OR2L13: variants seen among roughly 807,000 people sequenced by gnomAD.
OR2L13 encodes olfactory receptor 2L13.
A neutral mutation model predicts 15.3 loss-of-function variants in OR2L13; 14 were observed. The observed-to-expected ratio is 0.91, with a 90% CI of 0.60 to 1.43. The LOEUF (loss-of-function observed/expected upper bound fraction) is 1.43. OR2L13 is among the 40% of genes most tolerant of loss of function. OR2L13 has a pLI of 0.00. For synonymous variants in OR2L13, 152 were observed against 142.9 expected (o/e 1.06, Z -0.45); for missense variants, 367 against 387.9 (o/e 0.95, Z 0.45).
upstream of OR2L13, among the ~76,000 whole-genome samples, chr1:248,094,567 C>T (rs1317150551): frequency 6.6e-6 from 1 of 152,182 alleles, no homozygotes; most frequent in African/African-American, 2.4e-5. Flanking sequence ...GCATAGCTGT[C>T]AGACTAGAGT....
the OR2L13 span, among the ~76,000 whole-genome samples, chr1:248,012,668 A>G: frequency 6.6e-6 from 1 of 152,176 alleles, no homozygotes; most frequent in Non-Finnish European, 1.5e-5. Flanking sequence ...AAACATCTGT[A>G]TTTGACTTTC....
the OR2L13 span, chr1:248,041,428 C>T: frequency 6.6e-6 from 1 of 152,156 alleles, no homozygotes; most frequent in African/African-American, 2.4e-5. Flanking sequence ...CTAGGCTTTA[C>T]CATTCAGGAC....
the OR2L13 span, among the ~76,000 whole-genome samples, chr1:247,982,396 G>T: frequency 1.3e-5 from 2 of 152,064 alleles, no homozygotes; most frequent in Admixed American, 1.3e-4. Context: ...ATGAATATAT[G>T]AATCACTACA....
At chr1:247,993,296 T>C in the OR2L13 span, among the ~76,000 whole-genome samples, 1 of 152,210 alleles carries the variant, frequency 6.6e-6, no homozygotes, top group Admixed American at 6.5e-5. Flanking sequence ...AGATGCATAC[T>C]GTGCAAATAT....
chr1:248,043,394 T>C, the OR2L13 span, among the ~76,000 whole-genome samples: 4 of 152,186 alleles, frequency 2.6e-5, no homozygotes, highest in Non-Finnish European at 5.9e-5. Context: ...CAGATTTATC[T>C]ATTTACATGG....
chr1:248,038,182 G>A, the OR2L13 span: 5 of 957,194 alleles, frequency 5.2e-6, no homozygotes, highest in Middle Eastern at 2.2e-4. Context: ...TGGGAGTCTT[G>A]TAATGCAGCC....
chr1:247,977,663 T>A, the OR2L13 span, among the ~76,000 whole-genome samples: 2 of 152,228 alleles, frequency 1.3e-5, no homozygotes, highest in Non-Finnish European at 2.9e-5. Context: ...TCCGTATGAC[T>A]GCTTACTGCT....
chr1:247,954,360 C>T, the OR2L13 span, among the ~76,000 whole-genome samples: 1 of 152,124 alleles, frequency 6.6e-6, no homozygotes, highest in Non-Finnish European at 1.5e-5. Context: ...AAGATATATA[C>T]ATGGATTCCA....
At chr1:247,937,246 G>C in the OR2L13 span, 47,560 of 134,800 alleles carry the variant, frequency 0.35, 10,672 homozygotes, top group South Asian at 0.48. Context: ...TAGTGGGCGT[G>C]CTTGCGGGTC....
At chr1:248,003,554 C>T in the OR2L13 span, 3 of 1,612,400 alleles carry the variant, frequency 1.9e-6, no homozygotes, top group Non-Finnish European at 2.5e-6. Context: ...AGTGTGTGTG[C>T]TGATGATAAC....
the OR2L13 span, among the ~76,000 whole-genome samples, chr1:247,968,201 C>T: frequency 7.4e-4 from 113 of 152,140 alleles, no homozygotes; most frequent in African/African-American, 2.6e-3. Flanking sequence ...TATGACTCCA[C>T]TTTTATAGAT....
the OR2L13 span, among the ~76,000 whole-genome samples, chr1:248,027,495 G>T: frequency 2.6e-5 from 4 of 152,190 alleles, no homozygotes; most frequent in African/African-American, 9.6e-5. Flanking sequence ...ATAAAAACTT[G>T]CTGGTTTTAC....
At chr1:248,049,989 C>T in the OR2L13 span, among the ~76,000 whole-genome samples, 6 of 152,088 alleles carry the variant, frequency 3.9e-5, no homozygotes, top group Admixed American at 6.5e-5. Flanking sequence ...GTTTTGTCAT[C>T]TATAAAATAT....
the OR2L13 span, among the ~76,000 whole-genome samples, chr1:248,033,023 A>G: frequency 1.3e-5 from 2 of 152,204 alleles, no homozygotes; most frequent in Admixed American, 6.5e-5. Context: ...TGGAATTACA[A>G]TGGTTTGACT....
the OR2L13 span, among the ~76,000 whole-genome samples, chr1:247,958,906 C>A: frequency 6.6e-6 from 1 of 152,050 alleles, no homozygotes; most frequent in African/African-American, 2.4e-5. Context: ...AATGTGCCAG[C>A]CTGTGTCTTT....
the OR2L13 span, chr1:248,038,493 A>G: frequency 2.0e-5 from 33 of 1,613,678 alleles, no homozygotes; most frequent in Non-Finnish European, 2.8e-5. Context: ...CATCTCCACC[A>G]TTGTTCCAAA....
At chr1:248,053,039 G>C in the OR2L13 span, among the ~76,000 whole-genome samples, 1,018 of 151,952 alleles carry the variant, frequency 6.7e-3, 20 homozygotes, top group African/African-American at 0.024. Flanking sequence ...TTTGCTGCAC[G>C]TATCAATCCA....
At chr1:247,944,436 C>G in the OR2L13 span, among the ~76,000 whole-genome samples, 1 of 152,068 alleles carries the variant, frequency 6.6e-6, no homozygotes, top group Admixed American at 6.6e-5. Context: ...TGCATTATCT[C>G]TTTTCCCTAA....
the OR2L13 span, among the ~76,000 whole-genome samples, chr1:247,977,084 A>G: frequency 1.3e-5 from 2 of 152,190 alleles, no homozygotes; most frequent in Non-Finnish European, 2.9e-5. Flanking sequence ...ATGTATTGTA[A>G]TAATCTCTTT....
Sources: gnomAD v4.1 joint callset for allele counts (sites outside exome capture counted in the v4.1 genomes callset) on GRCh38, gnomAD v4.1.1 for gene constraint, MANE v1.5 for transcripts, NCBI Gene and HGNC (gene_info 2026-07-23, HGNC 2026-07-21) for gene names.